The following IMPG1 variants were observed in gnomAD, a reference collection of about 807,000 sequenced individuals.
The protein encoded by IMPG1 is interphotoreceptor matrix proteoglycan 1, also known as interphotoreceptor matrix proteoglycan of 150 kDa.
In IMPG1, 85 loss-of-function variants were observed where a neutral mutation model predicts 92.0. The observed-to-expected ratio is 0.92, with a 90% CI of 0.78 to 1.11. The LOEUF is 1.11. Ranked by LOEUF, IMPG1 falls within the 50% of genes least tolerant of loss-of-function variation. The pLI, the probability that IMPG1 is intolerant of heterozygous loss-of-function variation, is 0.00. For missense variants in IMPG1, 1,022 were observed against 956.0 expected (o/e 1.07, Z -0.91); for synonymous variants, 367 against 334.1 (o/e 1.10, Z -1.08).
intron 6 of IMPG1, among the ~76,000 whole-genome samples, chr6:76,021,895 C>G (rs1348530979): frequency 6.7e-6 from 1 of 149,564 alleles, no homozygotes; most frequent in East Asian, 2.0e-4. Flanking sequence ...TTTCTTGTAA[C>G]TCCTCCCCTT....
chr6:75,976,391 G>A (rs573377310), intron 12 of IMPG1, among the ~76,000 whole-genome samples: 14 of 152,130 alleles, frequency 9.2e-5, no homozygotes, highest in African/African-American at 2.4e-4. Context: ...GTGAAACCAC[G>A]TCTCTACCAA....
At chr6:76,045,466 A>G (rs544435615) in intron 1 of IMPG1, among the ~76,000 whole-genome samples, 1 of 127,222 alleles carries the variant, frequency 7.9e-6, no homozygotes, top group Non-Finnish European at 1.6e-5. Flanking sequence ...TTTTTGGTAT[A>G]ACACAAATAT....
intron 1 of IMPG1, among the ~76,000 whole-genome samples, chr6:76,044,417 G>A (rs1371974735): frequency 6.6e-6 from 1 of 152,148 alleles, no homozygotes; most frequent in Non-Finnish European, 1.5e-5. Flanking sequence ...CTACATGCCT[G>A]CCCTTCTCCA....
rs762691353 is a variant in IMPG1, at chr6:76,022,156, A to G, written c.626T>C (p.Ile209Thr). 1.8e-5 allele frequency: 29 copies of G among 1,597,968 alleles called. No homozygotes were observed. The South Asian group carries it at 2.4e-4, about 13-fold the overall frequency. ...LTPDDTLLNE[I>T]LDNTLNDTKM... ...GGTGTCGTTGAGTGTATTATCGAGA[A>G]TTTCATTGAGGAGGGTGTCATCAGG... Residue 209 changes from isoleucine to threonine, a missense_variant, in exon 6 of 17, where the codon ATT becomes ACT. By Grantham distance (89) the Ile-to-Thr change is moderately conservative. This residue lies in a region of IMPG1 where 681 missense variants were observed against 583.6 expected (regional missense o/e 1.17). Coordinates refer to ENST00000369950, the MANE Select transcript of IMPG1 (RefSeq NM_001563.4).
At chr6:76,018,635 T>C in intron 7 of IMPG1, 83 bp downstream of exon 7, 2 of 1,263,980 alleles carry the variant, frequency 1.6e-6, no homozygotes, top group Non-Finnish European at 2.2e-6. Flanking sequence ...GCTGGAACTG[T>C]TCGCCGTAAG....
At chr6:76,060,726 G>T (rs555023731) in intron 1 of IMPG1, among the ~76,000 whole-genome samples, 11 of 152,196 alleles carry the variant, frequency 7.2e-5, no homozygotes, top group Admixed American at 2.6e-4. Flanking sequence ...TTTTTCTAAG[G>T]CTTGGTACCA....
rs376049895 is a variant in IMPG1 at position 76,007,691 on chromosome 6, G to A, written c.867-191C>T. 1.4e-3 allele frequency among the ~76,000 whole-genome samples: 206 copies of A among 152,254 alleles called. 1 individual carries two copies. Among genetic ancestry groups the A allele is most frequent in the African/African-American group, 4.7e-3 (197 of 41,542 alleles). On this transcript the variant is annotated intron_variant, in intron 8 of 16. Transcript: ENST00000369950. ...GAATTTGAATGGAAACTTTGAGAGA[G>A]ATATGAATCTAAGAAGTAAACATCA...
At chr6:76,051,025 C>A (rs1043701422) in intron 1 of IMPG1, among the ~76,000 whole-genome samples, 10 of 151,862 alleles carry the variant, frequency 6.6e-5, no homozygotes, top group African/African-American at 2.4e-4. Context: ...GTAATTTCTA[C>A]AGAACAAAAA....
chr6:75,991,763 A>G (rs1210990108), intron 12 of IMPG1, among the ~76,000 whole-genome samples: 1 of 152,234 alleles, frequency 6.6e-6, no homozygotes, highest in Non-Finnish European at 1.5e-5. Flanking sequence ...AATTAAGTGC[A>G]TCCTGTCAGG....
intron 12 of IMPG1, among the ~76,000 whole-genome samples, chr6:75,973,475 A>T (rs940647521): frequency 6.6e-6 from 1 of 152,224 alleles, no homozygotes; most frequent in African/African-American, 2.4e-5. Context: ...GATGATAAAA[A>T]CAGCTCTCAT....
chr6:75,996,789 A>G (rs1427855088), intron 12 of IMPG1, among the ~76,000 whole-genome samples: 1 of 152,192 alleles, frequency 6.6e-6, no homozygotes, highest in Admixed American at 6.5e-5. Context: ...TTATCACCTC[A>G]ACCCACAATA....
chr6:75,968,498 C>T (rs1782348522), intron 12 of IMPG1, among the ~76,000 whole-genome samples: 1 of 151,778 alleles, frequency 6.6e-6, no homozygotes, highest in Non-Finnish European at 1.5e-5. Flanking sequence ...TTTTAAAATG[C>T]TAAATACCTC....
intron 12 of IMPG1, among the ~76,000 whole-genome samples, chr6:75,991,705 G>T (rs1461131374): frequency 1.3e-5 from 2 of 152,260 alleles, no homozygotes; most frequent in South Asian, 4.1e-4. Context: ...AGTTCCTCAA[G>T]AATGGACACC....
At chr6:76,021,778 C>CAT (rs140827081) in intron 6 of IMPG1, among the ~76,000 whole-genome samples, 685 of 49,490 alleles carry the variant, frequency 0.014, 40 homozygotes, top group Middle Eastern at 0.057. Context: ...ACTTGGAGAG[C>CAT]ATATATATAT....
In IMPG1 at chr6:76,072,397, A is replaced by G. The variant is rs1784415754; in HGVS notation, c.67+25T>C. ...GGTAGATTTTATAGATAAGCAATTT[A>G]AAAGTAAACATTTAAGTAACTTACC... On this transcript the variant is annotated intron_variant, in intron 1 of 16. Transcript: ENST00000369950. The G allele has an allele frequency of 2.3e-6, 3 of 1,299,336 alleles. No homozygotes were observed. In the East Asian group the frequency reaches 7.0e-5, roughly 30 times the overall value. The allele number at this position is 1,299,336 out of a possible 1,614,324, so 80.5% of individuals were successfully genotyped here. A position where few individuals can be genotyped will look rare whatever the true frequency, so the allele number is the denominator to read the frequency against.
Position 76,034,324 on chromosome 6 carries a change from A to G in IMPG1, c.488T>C (p.Phe163Ser). The G allele has an allele frequency of 6.2e-7, 1 of 1,613,502 alleles. No homozygotes were observed. The highest frequency in any genetic ancestry group is 8.5e-7 in the Non-Finnish European group (1 of 1,179,456). ...TATTTTGGGTACTTGCCTGTCAGGG[A>G]AACTTCTCTGTTTTATTCTCTGCAA... ...LLQQRIKQRS[F>S]PDRKDEISAE... The change falls in exon 4 of 17, where the codon TTC becomes TCC. Residue 163 changes from phenylalanine (F) to serine (S), a missense_variant. Around this residue, in one of 3 missense-constraint regions of IMPG1, gnomAD observed 681 missense variants for 583.6 expected, o/e 1.17. Transcript: ENST00000369950.
At chr6:75,944,480 A>G (rs780392152) in intron 14 of IMPG1, among the ~76,000 whole-genome samples, 1 of 152,212 alleles carries the variant, frequency 6.6e-6, no homozygotes, top group Admixed American at 6.5e-5. Context: ...CTTTGATTGA[A>G]CCATCATCAT....
intron 7 of IMPG1, among the ~76,000 whole-genome samples, chr6:76,017,969 T>C (rs1382612708): frequency 6.6e-6 from 1 of 152,136 alleles, no homozygotes; most frequent in Admixed American, 6.5e-5. Context: ...GCCAGGCTGG[T>C]ATCGAATTCC....
chr6:75,929,405 T>A (rs1187787090), intron 15 of IMPG1, among the ~76,000 whole-genome samples: 1 of 152,072 alleles, frequency 6.6e-6, no homozygotes, highest in Admixed American at 6.6e-5. Context: ...TATTTTTTGC[T>A]CATTTTAATA....
Sources: allele counts gnomAD v4.1 joint callset (sites outside exome capture counted in the v4.1 genomes callset), GRCh38; gene constraint gnomAD v4.1.1; regional missense constraint gnomAD v4.1.1; transcripts MANE v1.5; gene names NCBI Gene and HGNC (gene_info 2026-07-23, HGNC 2026-07-21).